Variants in PDE1A observed in about 807,000 individuals in gnomAD.
PDE1A encodes dual specificity calcium/calmodulin-dependent 3',5'-cyclic nucleotide phosphodiesterase 1A.
In PDE1A, 35 loss-of-function variants were observed where a neutral mutation model predicts 61.7. The observed-to-expected ratio is 0.57, with a 90% CI of 0.43 to 0.75. The LOEUF (loss-of-function observed/expected upper bound fraction) is 0.75, where lower values mean the gene tolerates loss of function less well. Ranked by LOEUF, PDE1A falls within the 30% of genes least tolerant of loss-of-function variation. PDE1A has a pLI of 0.00. For missense variants in PDE1A, 597 were observed against 630.6 expected (o/e 0.95, Z 0.57); for synonymous variants, 232 against 213.2 (o/e 1.09, Z -0.77).
At chr2:182,588,680 C>CT in the PDE1A span, among the ~76,000 whole-genome samples, 59 of 152,098 alleles carry the variant, frequency 3.9e-4, no homozygotes, top group Non-Finnish European at 6.9e-4. Context: ...GAACTGAATT[C>CT]TTTTTTCCTC....
chr2:182,683,339 A>G, the PDE1A span, among the ~76,000 whole-genome samples: 3 of 152,006 alleles, frequency 2.0e-5, no homozygotes, highest in Non-Finnish European at 4.4e-5. Flanking sequence ...GGCCTCCCAA[A>G]GTGCTGGGAT....
the PDE1A span, among the ~76,000 whole-genome samples, chr2:182,556,256 C>A: frequency 4.6e-5 from 7 of 152,050 alleles, no homozygotes; most frequent in Non-Finnish European, 8.8e-5. Flanking sequence ...AAATTTCCCA[C>A]CAAAGATCCA....
At chr2:182,431,393 T>C (rs1245238736), upstream of PDE1A, among the ~76,000 whole-genome samples, 1 of 152,170 alleles carries the variant, frequency 6.6e-6, no homozygotes, top group Non-Finnish European at 1.5e-5. Context: ...AATTTTCATT[T>C]GTCATAACTA....
the PDE1A span, among the ~76,000 whole-genome samples, chr2:182,689,119 C>T: frequency 1.6e-4 from 25 of 152,170 alleles, no homozygotes; most frequent in African/African-American, 5.5e-4. Context: ...GAGAGATCAG[C>T]GAGACAGAAA....
the PDE1A span, among the ~76,000 whole-genome samples, chr2:182,546,693 C>A: frequency 6.6e-6 from 1 of 152,198 alleles, no homozygotes; most frequent in South Asian, 2.1e-4. Flanking sequence ...CCTCAAAGGG[C>A]AGATCCTTTC....
intron 11 of PDE1A, among the ~76,000 whole-genome samples, chr2:182,186,966 T>C (rs1013259318): frequency 6.6e-6 from 1 of 152,250 alleles, no homozygotes; most frequent in Non-Finnish European, 1.5e-5. Flanking sequence ...AAGCACATCA[T>C]GTGCATTTTG....
At chr2:182,170,905 A>C (rs1420175556) in intron 13 of PDE1A, among the ~76,000 whole-genome samples, 1 of 152,038 alleles carries the variant, frequency 6.6e-6, no homozygotes, top group Non-Finnish European at 1.5e-5. Context: ...ATAAAGTTTA[A>C]TTAGTGAACT....
intron 1 of PDE1A, among the ~76,000 whole-genome samples, chr2:182,360,235 A>C (rs1400285780): frequency 6.6e-6 from 1 of 152,106 alleles, no homozygotes; most frequent in African/African-American, 2.4e-5. Context: ...AGATTTCATT[A>C]TCTGATGTGG....
intron 2 of PDE1A, among the ~76,000 whole-genome samples, chr2:182,481,485 A>AT (rs1484646718): frequency 1.3e-5 from 2 of 151,920 alleles, no homozygotes; most frequent in African/African-American, 4.8e-5. Flanking sequence ...TGCTGAAAAT[A>AT]TTTCATTCTA....
rs369707849 is a variant in PDE1A at position 182,290,250 on chromosome 2, GA to G, written c.54-25837del. Among the ~76,000 whole-genome samples the G allele has an allele frequency of 1.3e-3, 199 of 152,178 alleles. 1 individual carries two copies. Among genetic ancestry groups the G allele is most frequent in the African/African-American group, 4.7e-3 (195 of 41,546 alleles). On this transcript the variant is annotated intron_variant, in intron 1 of 13. Transcript: ENST00000351439. ...ATTAATTAATGCCAAAACTTGAGAA[GA>G]AAAGTATATTGAGTATGCATGTATT...
intron 1 of PDE1A, among the ~76,000 whole-genome samples, chr2:182,379,079 G>A (rs368185415): frequency 1.3e-5 from 2 of 152,074 alleles, no homozygotes; most frequent in South Asian, 4.1e-4. Flanking sequence ...ATGAGAATAA[G>A]GATGAAATAG....
chr2:182,361,692 T>C (rs1270857315), intron 1 of PDE1A, among the ~76,000 whole-genome samples: 1 of 152,036 alleles, frequency 6.6e-6, no homozygotes, highest in Non-Finnish European at 1.5e-5. Context: ...AACAGCTGGA[T>C]CCCTTAAACA....
At chr2:182,293,102 TC>T (rs1694646184) in intron 1 of PDE1A, among the ~76,000 whole-genome samples, 1 of 152,080 alleles carries the variant, frequency 6.6e-6, no homozygotes, top group South Asian at 2.1e-4. Flanking sequence ...TTAGAACCTT[TC>T]CATTCATTAG....
the PDE1A span, among the ~76,000 whole-genome samples, chr2:182,561,273 T>C: frequency 6.6e-6 from 1 of 152,200 alleles, no homozygotes; most frequent in Non-Finnish European, 1.5e-5. Flanking sequence ...TTTCCACATA[T>C]GGGTAGCCAG....
intron 1 of PDE1A, among the ~76,000 whole-genome samples, chr2:182,312,267 C>G (rs1240357058): frequency 1.3e-5 from 2 of 152,024 alleles, no homozygotes; most frequent in African/African-American, 2.4e-5. Flanking sequence ...TGTACAATGT[C>G]TTTCAAGGAG....
intron 2 of PDE1A, among the ~76,000 whole-genome samples, chr2:182,440,668 A>C (rs185176601): frequency 6.6e-6 from 1 of 152,118 alleles, no homozygotes; most frequent in Non-Finnish European, 1.5e-5. Flanking sequence ...TCTCAATATT[A>C]TAATTGGATT....
At chr2:182,145,406 T>C (rs1008995888), downstream of PDE1A, among the ~76,000 whole-genome samples, 2 of 152,060 alleles carry the variant, frequency 1.3e-5, no homozygotes, top group East Asian at 3.9e-4. Context: ...GCTTAAATAT[T>C]ATATTTACTT....
At chr2:182,453,389 C>T (rs567321663) in intron 2 of PDE1A, among the ~76,000 whole-genome samples, 1 of 151,552 alleles carries the variant, frequency 6.6e-6, no homozygotes, top group Non-Finnish European at 1.5e-5. Flanking sequence ...ACATGATGCC[C>T]GATTTGGTCT....
chr2:182,163,593 C>T (rs577279651), downstream of PDE1A, among the ~76,000 whole-genome samples: 4 of 152,236 alleles, frequency 2.6e-5, no homozygotes, highest in African/African-American at 7.2e-5. Flanking sequence ...TCTAAGGGTC[C>T]AGTGGTGCAG....
Sources: gnomAD v4.1 joint callset for allele counts (sites outside exome capture counted in the v4.1 genomes callset) on GRCh38, gnomAD v4.1.1 for gene constraint, MANE v1.5 for transcripts, NCBI Gene and HGNC (gene_info 2026-07-23, HGNC 2026-07-21) for gene names.